The following ACTN2 variants were observed in gnomAD, a reference collection of about 807,000 sequenced individuals.
ACTN2 encodes actinin alpha 2.
A neutral mutation model predicts 113.8 loss-of-function variants in ACTN2; 39 were observed. The observed-to-expected ratio is 0.34, with a 90% CI of 0.27 to 0.45. The LOEUF is 0.45. ACTN2 is among the 20% of genes least tolerant of loss of function. The pLI, the probability that ACTN2 is intolerant of heterozygous loss-of-function variation, is 1.00. For synonymous variants in ACTN2, 429 were observed against 444.1 expected, an observed-to-expected ratio of 0.97 and a Z score of 0.43; for missense variants, 992 against 1,177.9, an observed-to-expected ratio of 0.84 and a Z score of 2.31.
chr1:236,715,949 CAAAAAATAAAAAT>C (rs1289757061), intron 1 of ACTN2, among the ~76,000 whole-genome samples: 5 of 151,596 alleles, frequency 3.3e-5, no homozygotes, highest in African/African-American at 4.8e-5. Flanking sequence ...GACTCCGTCT[CAAAAAATAAAAAT>C]AAAAAATAAA....
chr1:236,687,438 GA>G (rs1400337216), intron 1 of ACTN2, among the ~76,000 whole-genome samples: 1 of 152,114 alleles, frequency 6.6e-6, no homozygotes, highest in East Asian at 1.9e-4. Flanking sequence ...GGGCCCAGTG[GA>G]ACATTCCACT....
intron 10 of ACTN2, 136 bp downstream of exon 10, chr1:236,739,668 A>G: frequency 9.4e-7 from 1 of 1,062,688 alleles, no homozygotes. Context: ...TGGCCCTGTA[A>G]CCACTTTGTT....
chr1:236,715,049 C>T (rs955930364), intron 1 of ACTN2, among the ~76,000 whole-genome samples: 2 of 151,988 alleles, frequency 1.3e-5, no homozygotes, highest in Non-Finnish European at 2.9e-5. Flanking sequence ...ATGCAAGAGA[C>T]TGATAGCTTC....
At chr1:236,741,529 T>C (rs1158535459) in intron 10 of ACTN2, among the ~76,000 whole-genome samples, 2 of 152,234 alleles carry the variant, frequency 1.3e-5, no homozygotes, top group Admixed American at 1.3e-4. Flanking sequence ...GTCCTCTAAG[T>C]TGCCAACCCC....
intron 1 of ACTN2, among the ~76,000 whole-genome samples, chr1:236,695,570 C>CCG (rs1558221438): frequency 8.5e-6 from 1 of 117,690 alleles, no homozygotes; most frequent in African/African-American, 3.3e-5. Context: ...AGTTCCCCCC[C>CCG]CCTGCCCAGA....
intron 7 of ACTN2, among the ~76,000 whole-genome samples, chr1:236,732,479 G>T (rs761522337): frequency 6.7e-6 from 1 of 148,344 alleles, no homozygotes; most frequent in Non-Finnish European, 1.5e-5. Context: ...GTCTCACTCC[G>T]TCGCCCAGGC....
At chr1:236,729,689 C>T (rs1658661263) in intron 6 of ACTN2, among the ~76,000 whole-genome samples, 1 of 152,186 alleles carries the variant, frequency 6.6e-6, no homozygotes, top group Non-Finnish European at 1.5e-5. Context: ...GAAAACGGAA[C>T]TTTTTCCCAG....
intron 1 of ACTN2, among the ~76,000 whole-genome samples, chr1:236,717,262 A>G (rs192922870): frequency 8.3e-4 from 127 of 152,134 alleles, no homozygotes; most frequent in African/African-American, 3.0e-3. Context: ...TGGGCAACAT[A>G]GCAAGACCCC....
intron 4 of ACTN2, among the ~76,000 whole-genome samples, chr1:236,724,724 C>T (rs956441402): frequency 2.0e-5 from 3 of 152,130 alleles, no homozygotes; most frequent in African/African-American, 7.2e-5. Context: ...GGGTGTGGTG[C>T]ATTCAGGGGG....
Position 236,737,297 on chromosome 1 carries a change from G to GTATATA in ACTN2, c.876+83_876+84insTATATA. On this transcript the variant is annotated intron_variant, in intron 9 of 20. Transcript: ENST00000366578. ...GAGGGTGAAAAAATACTCCGTGGGGGCATATATATATATATATATATTTTG... is the reference window on the plus strand; with the variant it reads ...GAGGGTGAAAAAATACTCCGTGGGGGTATATACATATATATATATATATATATTTTG... 1,616 of 322,022 alleles carry GTATATA rather than the reference G, an allele frequency of 5.0e-3. 440 individuals carry two copies. Among genetic ancestry groups the GTATATA allele is most frequent in the Middle Eastern group, 0.012 (14 of 1,194 alleles). 19.9% of individuals were successfully genotyped at this position (322,022 alleles called of 1,614,324 possible).
At chr1:236,759,035 C>A (rs1659631587) in intron 18 of ACTN2, among the ~76,000 whole-genome samples, 2 of 152,184 alleles carry the variant, frequency 1.3e-5, no homozygotes. Context: ...GCTAGATAGA[C>A]CAGTCAGATT....
chr1:236,686,587 G>T lies in ACTN2; in HGVS notation c.-87G>T. On this transcript the variant is annotated 5_prime_UTR_variant, in exon 1 of 21. Transcript: ENST00000366578. ...GGTCACCCCGCGCCCGCCGCCCGCCGCCCGCCGCCTCCGTGGGTCCGTTTG... is the reference window on the plus strand; with the variant it reads ...GGTCACCCCGCGCCCGCCGCCCGCCTCCCGCCGCCTCCGTGGGTCCGTTTG... 7.2e-7 allele frequency: 1 copy of T among 1,379,748 alleles called. No individual in the cohort carries two copies. 85.5% of individuals were successfully genotyped at this position (1,379,748 alleles called of 1,614,324 possible). A position where few individuals can be genotyped will look rare whatever the true frequency, so the allele number is the denominator to read the frequency against.
chr1:236,751,096 A>G (rs907284204), intron 14 of ACTN2, among the ~76,000 whole-genome samples: 1 of 150,236 alleles, frequency 6.7e-6, no homozygotes, highest in Non-Finnish European at 1.5e-5. Context: ...TCTCAAAAAA[A>G]AAAAAAAAAA....
chr1:236,734,254 G>A (rs1658799333), intron 7 of ACTN2, among the ~76,000 whole-genome samples: 1 of 152,190 alleles, frequency 6.6e-6, no homozygotes, highest in African/African-American at 2.4e-5. Flanking sequence ...TCTCAAAAGT[G>A]CACAGAGAGT....
At chr1:236,746,982 A>G (rs1436642606) in intron 12 of ACTN2, among the ~76,000 whole-genome samples, 1 of 152,164 alleles carries the variant, frequency 6.6e-6, no homozygotes, top group Admixed American at 6.5e-5. Flanking sequence ...CCTTCTAGGG[A>G]AGCCAAGGAC....
rs199920384 is a variant in ACTN2, at chr1:236,762,612, A to G, written c.2678A>G (p.Asp893Gly). The G allele has an allele frequency of 5.8e-5, 93 of 1,613,872 alleles. No homozygotes were observed. The highest frequency in any genetic ancestry group is 7.3e-5 in the Non-Finnish European group (86 of 1,179,972). The stretch of plus-strand genomic sequence containing the variant: ...TCTTCCGCACTCTACGGGGAGAGCG[A>G]TCTGTGATGCTGAGCTTCTGTAATC... The part of the protein sequence containing the change: ...AFSSALYGES[D>G]L The change falls in exon 21 of 21, where the codon GAT (aspartate) becomes GGT (glycine). Residue 893 changes from aspartate to glycine, a missense_variant. By Grantham distance (94) the Asp-to-Gly change is moderately conservative. This residue lies in a region of ACTN2 where 736 missense variants were observed against 815.4 expected (regional missense o/e 0.90). Transcript: ENST00000366578.
At chr1:236,742,535 TA>T (rs140346044) in intron 10 of ACTN2, among the ~76,000 whole-genome samples, 10 of 150,872 alleles carry the variant, frequency 6.6e-5, no homozygotes, top group African/African-American at 2.2e-4. Context: ...TCCATTTCTT[TA>T]AAAAAAAACA....
intron 1 of ACTN2, among the ~76,000 whole-genome samples, chr1:236,697,564 A>G (rs1408406024): frequency 1.3e-5 from 2 of 152,148 alleles, no homozygotes; most frequent in South Asian, 2.1e-4. Flanking sequence ...TGAAAACATC[A>G]TGTATTAGAC....
At chr1:236,744,502 C>A in intron 11 of ACTN2, 124 bp from the exon 12 acceptor site, 2 of 1,195,660 alleles carry the variant, frequency 1.7e-6, no homozygotes, top group Non-Finnish European at 2.4e-6. Flanking sequence ...CATCTTCAGT[C>A]CTGCCCCTCT....
Sources: allele counts gnomAD v4.1 joint callset (sites outside exome capture counted in the v4.1 genomes callset), GRCh38; gene constraint gnomAD v4.1.1; regional missense constraint gnomAD v4.1.1; transcripts MANE v1.5; gene names NCBI Gene and HGNC (gene_info 2026-07-23, HGNC 2026-07-21).